The following MDGA2 variants were observed in gnomAD, a reference collection of about 807,000 sequenced individuals.
MDGA2 encodes MAM domain-containing glycosylphosphatidylinositol anchor protein 2.
MDGA2 carries 40 observed loss-of-function variants against 117.8 expected under a neutral mutation model. The ratio of observed to expected loss-of-function variants is 0.34; its 90% CI spans 0.26 to 0.44. MDGA2 has a LOEUF of 0.44. MDGA2 is among the 20% of genes least tolerant of loss of function. The pLI is 1.00. For synonymous variants in MDGA2, 452 were observed against 439.0 expected, an observed-to-expected ratio of 1.03 and a Z score of -0.37; for missense variants, 1,123 against 1,250.6, an observed-to-expected ratio of 0.90 and a Z score of 1.54.
chr14:47,050,247 A>G (rs1889410052), intron 7 of MDGA2, among the ~76,000 whole-genome samples: 1 of 152,010 alleles, frequency 6.6e-6, no homozygotes, highest in Non-Finnish European at 1.5e-5. Flanking sequence ...TACGCTTTCT[A>G]CAGCTTAAGC....
intron 1 of MDGA2, among the ~76,000 whole-genome samples, chr14:47,342,277 TATATAA>T (rs1194839909): frequency 1.3e-3 from 138 of 104,608 alleles, no homozygotes; most frequent in African/African-American, 4.0e-3. Flanking sequence ...TATATATATA[TATATAA>T]AATATGTTAT....
At chr14:47,553,290 G>A (rs1895620701) in intron 1 of MDGA2, among the ~76,000 whole-genome samples, 1 of 152,230 alleles carries the variant, frequency 6.6e-6, no homozygotes, top group Admixed American at 6.5e-5. Flanking sequence ...CAAGAAAAGT[G>A]TTCGGCACAG....
rs532960574 is a variant in MDGA2, at chr14:47,590,535, A to G, written c.280+83982T>C. Among the ~76,000 whole-genome samples the G allele has an allele frequency of 3.3e-5, 5 of 152,056 alleles. No homozygotes were observed. In the East Asian group the frequency reaches 7.7e-4, roughly 23 times the overall value. On this transcript the variant is annotated intron_variant, in intron 1 of 16. Coordinates refer to ENST00000399232, the MANE Select transcript of MDGA2 (RefSeq NM_001113498.3). The stretch of plus-strand genomic sequence containing the variant: ...ATTGGAGGTCTGTCTTCATTTTATT[A>G]AATTTAATTATTAAAATACCAAGAA...
intron 9 of MDGA2, among the ~76,000 whole-genome samples, chr14:46,940,001 AAGG>A (rs1830326847): frequency 6.6e-6 from 1 of 152,150 alleles, no homozygotes; most frequent in Non-Finnish European, 1.5e-5. Context: ...TACTTCAAGA[AAGG>A]AGCTTTTCTC....
At chr14:47,298,683 C>CTTTT (rs66784813) in intron 2 of MDGA2, among the ~76,000 whole-genome samples, 21 of 126,112 alleles carry the variant, frequency 1.7e-4, no homozygotes, top group Non-Finnish European at 2.6e-4. Context: ...CTTAATTTTT[C>CTTTT]TTTTTTTTTT....
intron 1 of MDGA2, among the ~76,000 whole-genome samples, chr14:47,530,244 G>A (rs1027512294): frequency 4.0e-5 from 6 of 150,562 alleles, no homozygotes; most frequent in Non-Finnish European, 7.3e-5. Flanking sequence ...ATCTTGCCAC[G>A]GCTCTTCTAG....
chr14:47,389,493 C>G (rs1318323426), intron 1 of MDGA2, among the ~76,000 whole-genome samples: 1 of 151,712 alleles, frequency 6.6e-6, no homozygotes, highest in Non-Finnish European at 1.5e-5. Context: ...TTTTTGAAAA[C>G]TGCTTTCTAG....
At chr14:47,594,057 A>G (rs1896491973) in intron 1 of MDGA2, among the ~76,000 whole-genome samples, 1 of 152,138 alleles carries the variant, frequency 6.6e-6, no homozygotes, top group Non-Finnish European at 1.5e-5. Flanking sequence ...TCAGGATAAA[A>G]CTTACAATTT....
intron 6 of MDGA2, among the ~76,000 whole-genome samples, chr14:47,070,131 A>G (rs1360230652): frequency 6.6e-6 from 1 of 152,106 alleles, no homozygotes; most frequent in Admixed American, 6.6e-5. Flanking sequence ...GACTATAGTC[A>G]CCCTGTTGTG....
At chr14:47,455,558 A>G (rs1893332158) in intron 1 of MDGA2, among the ~76,000 whole-genome samples, 1 of 152,148 alleles carries the variant, frequency 6.6e-6, no homozygotes, top group Admixed American at 6.5e-5. Flanking sequence ...AAAGAGATCA[A>G]CCTAAAAAGG....
rs77817317 is a variant in MDGA2 at position 47,300,359 on chromosome 14, C to A, written c.420+1052G>T. ...TAAGGTCATTGACAATAAGAATTAT[C>A]AATTATTGAGTAAAACATCCTCAAT... On this transcript the variant is annotated intron_variant, in intron 2 of 16. Coordinates refer to ENST00000399232, the MANE Select transcript of MDGA2 (RefSeq NM_001113498.3). 1.3e-3 allele frequency among the ~76,000 whole-genome samples: 205 copies of A among 152,260 alleles called. 3 individuals carry two copies. The East Asian group carries it at 0.034, about 25-fold the overall frequency.
chr14:47,629,068 A>G (rs1007984629), intron 1 of MDGA2, among the ~76,000 whole-genome samples: 1 of 152,156 alleles, frequency 6.6e-6, no homozygotes, highest in Non-Finnish European at 1.5e-5. Context: ...AACCACACCT[A>G]ACAAACATCC....
At chr14:47,302,469 A>G (rs562617401) in intron 1 of MDGA2, among the ~76,000 whole-genome samples, 1 of 152,282 alleles carries the variant, frequency 6.6e-6, no homozygotes, top group East Asian at 1.9e-4. Context: ...AGTTAAAGGC[A>G]AGTGGAAAGG....
Position 46,866,623 on chromosome 14 carries a change from A to C in MDGA2, c.2752+6810T>G, listed in dbSNP as rs904395895. On this transcript the variant is annotated intron_variant, in intron 14 of 16. Coordinates refer to ENST00000399232, the MANE Select transcript of MDGA2 (RefSeq NM_001113498.3). ...ACAGGCAACCTACAAAATGGGAGAA[A>C]ATTTTTGCAACCTACTCATCTGACA... 1.3e-3 allele frequency among the ~76,000 whole-genome samples: 199 copies of C among 152,126 alleles called. 1 individual carries two copies. The highest frequency in any genetic ancestry group is 4.5e-3 in the African/African-American group (185 of 41,532).
chr14:46,972,674 C>T (rs1886314751), intron 8 of MDGA2, among the ~76,000 whole-genome samples: 3 of 152,084 alleles, frequency 2.0e-5, no homozygotes, highest in Admixed American at 2.0e-4. Flanking sequence ...ACAACTCCTA[C>T]AAACTAACAT....
intron 1 of MDGA2, among the ~76,000 whole-genome samples, chr14:47,320,569 T>C (rs1251243787): frequency 6.6e-6 from 1 of 152,082 alleles, no homozygotes; most frequent in Non-Finnish European, 1.5e-5. Context: ...TTTCCTTCAA[T>C]ATTTTTCTCT....
At chr14:47,096,595 C>T (rs1333666075) in intron 6 of MDGA2, among the ~76,000 whole-genome samples, 1 of 151,836 alleles carries the variant, frequency 6.6e-6, no homozygotes, top group Non-Finnish European at 1.5e-5. Flanking sequence ...TAGCTAACAA[C>T]ATATTATAAA....
intron 1 of MDGA2, among the ~76,000 whole-genome samples, chr14:47,549,104 C>T (rs1469919588): frequency 2.0e-5 from 3 of 152,076 alleles, no homozygotes; most frequent in Non-Finnish European, 4.4e-5. Context: ...GGTTCCAAAT[C>T]TGTTGTCTCT....
intron 1 of MDGA2, among the ~76,000 whole-genome samples, chr14:47,478,672 G>A (rs559286646): frequency 1.3e-5 from 2 of 152,102 alleles, no homozygotes; most frequent in East Asian, 3.9e-4. Context: ...CACTGCACCT[G>A]GTTGCAAACA....
Sources: gnomAD v4.1 joint callset for allele counts (sites outside exome capture counted in the v4.1 genomes callset) on GRCh38, gnomAD v4.1.1 for gene constraint, MANE v1.5 for transcripts, NCBI Gene and HGNC (gene_info 2026-07-23, HGNC 2026-07-21) for gene names.